DPP10: variants seen among roughly 807,000 people sequenced by gnomAD.
DPP10 encodes dipeptidyl peptidase like 10, also known as inactive dipeptidyl peptidase 10.
In DPP10, 33 loss-of-function variants were observed where a neutral mutation model predicts 120.9. The ratio of observed to expected loss-of-function variants is 0.27; its 90% confidence interval spans 0.21 to 0.37. DPP10 has a LOEUF of 0.37. Ranked by LOEUF, DPP10 falls within the 10% of genes least tolerant of loss-of-function variation. The pLI is 1.00. For synonymous variants in DPP10, 337 were observed against 326.1 expected (o/e 1.03, Z -0.36); for missense variants, 816 against 942.8 (o/e 0.87, Z 1.76).
intron 1 of DPP10, among the ~76,000 whole-genome samples, chr2:114,443,862 TA>T (rs1484980705): frequency 6.6e-6 from 1 of 152,154 alleles, no homozygotes; most frequent in African/African-American, 2.4e-5. Context: ...CTCAGGCCTT[TA>T]ATAATATTGC....
chr2:115,332,887 A>T (rs761206645), intron 2 of DPP10, among the ~76,000 whole-genome samples: 2 of 151,918 alleles, frequency 1.3e-5, no homozygotes, highest in Non-Finnish European at 2.9e-5. Context: ...GGTGCTGAAA[A>T]AATGTATATT....
intron 3 of DPP10, among the ~76,000 whole-genome samples, chr2:115,385,821 A>C (rs1026399611): frequency 6.6e-6 from 1 of 152,200 alleles, no homozygotes; most frequent in Admixed American, 6.5e-5. Flanking sequence ...GTCTTTTGCT[A>C]TAAGAGTATG....
At chr2:114,514,137 A>G (rs1217787558) in intron 1 of DPP10, among the ~76,000 whole-genome samples, 1 of 152,186 alleles carries the variant, frequency 6.6e-6, no homozygotes, top group Non-Finnish European at 1.5e-5. Flanking sequence ...ATAATGTGAA[A>G]AGAATCTGTG....
intron 8 of DPP10, among the ~76,000 whole-genome samples, chr2:115,732,236 AG>A (rs2092928066): frequency 6.6e-6 from 1 of 152,232 alleles, no homozygotes; most frequent in African/African-American, 2.4e-5. Flanking sequence ...TAGAAAAAAA[AG>A]ATGAGAGAAA....
chr2:115,469,076 C>T (rs749906124), intron 3 of DPP10: 1 of 173,554 alleles, frequency 5.8e-6, no homozygotes, highest in Admixed American at 6.3e-5. Context: ...CAGGCGTGCA[C>T]CACCATGCCC....
At chr2:114,770,986 A>G (rs1415307602) in intron 1 of DPP10, among the ~76,000 whole-genome samples, 4 of 152,234 alleles carry the variant, frequency 2.6e-5, no homozygotes, top group Non-Finnish European at 5.9e-5. Flanking sequence ...TGTCAGATAC[A>G]CTAAAACACT....
chr2:115,099,141 A>AG (rs1191450648), intron 1 of DPP10, among the ~76,000 whole-genome samples: 2 of 150,268 alleles, frequency 1.3e-5, no homozygotes, highest in Admixed American at 6.6e-5. Context: ...AAAAAAAAAA[A>AG]AAAAAGAAAA....
intron 1 of DPP10, among the ~76,000 whole-genome samples, chr2:115,240,852 G>A (rs1374572352): frequency 6.6e-6 from 1 of 152,198 alleles, no homozygotes; most frequent in Non-Finnish European, 1.5e-5. Context: ...TCAGGCTTCA[G>A]TAACTTGCTT....
chr2:115,106,507 T>C (rs888557233), intron 1 of DPP10, among the ~76,000 whole-genome samples: 1 of 152,214 alleles, frequency 6.6e-6, no homozygotes, highest in Non-Finnish European at 1.5e-5. Flanking sequence ...TCATCCAAAC[T>C]GAAGTGCAGT....
intron 1 of DPP10, among the ~76,000 whole-genome samples, chr2:114,747,657 G>C (rs1005669667): frequency 6.6e-6 from 1 of 152,184 alleles, no homozygotes; most frequent in African/African-American, 2.4e-5. Context: ...AATGCTTCAT[G>C]AGTTTCCCAT....
intron 1 of DPP10, chr2:114,834,010 T>C (rs1687378623): frequency 6.6e-6 from 1 of 151,942 alleles, no homozygotes; most frequent in Admixed American, 6.6e-5. Context: ...TATATGTACA[T>C]GTATACGTAT....
rs1346454424 is a variant in DPP10, at chr2:115,610,431, C to T, written c.442-79256C>T. 4.0e-5 allele frequency among the ~76,000 whole-genome samples: 6 copies of T among 150,070 alleles called. No individual in the cohort carries two copies. In the Admixed American group the frequency reaches 4.0e-4, roughly 10 times the overall value. ...GAGAGGACTTCATGTGGGTAACTTA[C>T]CATGGGGAACAGAGGATGATATGGG... On this transcript the variant is annotated intron_variant, in intron 5 of 25. Coordinates refer to ENST00000410059, the MANE Select transcript of DPP10 (RefSeq NM_020868.6).
intron 1 of DPP10, among the ~76,000 whole-genome samples, chr2:114,813,492 T>A (rs552642336): frequency 4.2e-4 from 64 of 152,308 alleles, no homozygotes; most frequent in African/African-American, 1.3e-3. Context: ...TAGTCTTTAG[T>A]TCCTTCTCAA....
chr2:115,170,190 C>T (rs925991913), intron 1 of DPP10, among the ~76,000 whole-genome samples: 1 of 152,216 alleles, frequency 6.6e-6, no homozygotes, highest in African/African-American at 2.4e-5. Flanking sequence ...TTCATACTTA[C>T]ATTAATCACA....
intron 1 of DPP10, among the ~76,000 whole-genome samples, chr2:115,280,723 A>G (rs2060125420): frequency 6.6e-6 from 1 of 152,216 alleles, no homozygotes; most frequent in Non-Finnish European, 1.5e-5. Context: ...AGTGTGATCT[A>G]TTACAAGCTA....
intron 1 of DPP10, among the ~76,000 whole-genome samples, chr2:115,246,986 C>T (rs535487556): frequency 6.6e-6 from 1 of 152,164 alleles, no homozygotes; most frequent in Admixed American, 6.6e-5. Flanking sequence ...TCACCAAAGA[C>T]CTACGTCAGT....
chr2:115,523,433 A>G (rs959864075), intron 4 of DPP10, among the ~76,000 whole-genome samples: 7 of 144,304 alleles, frequency 4.9e-5, no homozygotes, highest in Non-Finnish European at 1.1e-4. Context: ...CCCTCCTGCT[A>G]GTGAGATAAT....
chr2:115,551,013 CT>C (rs1012320045), intron 5 of DPP10, among the ~76,000 whole-genome samples: 4 of 151,764 alleles, frequency 2.6e-5, no homozygotes, highest in African/African-American at 7.3e-5. Flanking sequence ...AATCATATTC[CT>C]TTTTTTTCTC....
At chr2:115,631,037 C>CTTTTT (rs58468918) in intron 5 of DPP10, among the ~76,000 whole-genome samples, 4 of 111,350 alleles carry the variant, frequency 3.6e-5, no homozygotes, top group African/African-American at 9.2e-5. Flanking sequence ...TGATCCTGGG[C>CTTTTT]TTTTTTTTTT....
Sources: gnomAD v4.1 joint callset for allele counts (sites outside exome capture counted in the v4.1 genomes callset) on GRCh38, gnomAD v4.1.1 for gene constraint, MANE v1.5 for transcripts, NCBI Gene and HGNC (gene_info 2026-07-23, HGNC 2026-07-21) for gene names.